SH3BP2: variants seen among roughly 807,000 people sequenced by gnomAD.
The protein encoded by SH3BP2 is SH3 domain-binding protein 2.
A neutral mutation model predicts 56.2 loss-of-function variants in SH3BP2; 38 were observed. The ratio of observed to expected loss-of-function variants is 0.68; its 90% confidence interval spans 0.52 to 0.89. The LOEUF is 0.89. Among genes scored for constraint, SH3BP2 ranks in the 40% least tolerant of loss-of-function variants. The probability of loss-of-function intolerance (pLI) is 0.00; values close to 1 mark genes in which losing one functional copy is unlikely to be tolerated. For synonymous variants in SH3BP2, 346 were observed against 316.7 expected, an observed-to-expected ratio of 1.09 and a Z score of -0.98; for missense variants, 748 against 762.6, an observed-to-expected ratio of 0.98 and a Z score of 0.23.
intron 5 of SH3BP2, among the ~76,000 whole-genome samples, chr4:2,825,594 GCA>G (rs140946265): frequency 0.1 from 15,634 of 151,612 alleles, 874 homozygotes; most frequent in Middle Eastern, 0.12. Flanking sequence ...ACACAGACAT[GCA>G]CACACACACA....
At position 2,820,648 on chromosome 4, in the gene SH3BP2, C is replaced by T; in HGVS notation, c.31C>T (p.Pro11Ser). ...GGCTGAAGAGATGCATTGGCCTGTC[C>T]CTATGAAGGCCATTGGTGCCCAGAA... is the stretch of plus-strand genomic sequence containing the variant. MAAEEMHWPV[P>S]MKAIGAQNLL... Residue 11 changes from proline to serine, a missense_variant, in exon 2 of 13, where the codon CCT (proline) becomes TCT (serine). Pro to Ser is a moderately conservative substitution (Grantham distance 74). This residue lies in a region of SH3BP2 where 104 missense variants were observed against 123.1 expected (regional missense o/e 0.84). Transcript: ENST00000503393. The T allele has an allele frequency of 6.2e-7, 1 of 1,614,134 alleles. No homozygotes were observed. Among genetic ancestry groups the T allele is most frequent in the Non-Finnish European group, 8.5e-7 (1 of 1,179,980 alleles).
At position 2,819,201 on chromosome 4, in the gene SH3BP2, C is replaced by T. The variant is rs140385010; in HGVS notation, c.-4-1413C>T. ...CCTCCCAAAGTGCTGGGATTACAGGCGTGAGCCACTGCGTCCGGCTATTTT... is the reference window on the plus strand; with the variant it reads ...CCTCCCAAAGTGCTGGGATTACAGGTGTGAGCCACTGCGTCCGGCTATTTT... On this transcript the variant is annotated intron_variant, in intron 1 of 12. Coordinates refer to ENST00000503393, the MANE Select transcript of SH3BP2 (RefSeq NM_001122681.2). 0.055 allele frequency: 8,423 copies of T among 152,330 alleles called. 297 individuals are homozygous for T. The highest frequency in any genetic ancestry group is 0.095 in the African/African-American group (3,941 of 41,512). 9.4% of individuals were successfully genotyped at this position (152,330 alleles called of 1,614,324 possible).
In SH3BP2 at chr4:2,838,521, C is replaced by G. The variant is rs1489237282; in HGVS notation, c.*4687C>G. ...TCCATTGTTTGGCTGTATCGTAGTT[C>G]ACAGATTCATTTCACTGTCAGTCAA... is the stretch of plus-strand genomic sequence containing the variant. On this transcript the variant is annotated 3_prime_UTR_variant, in exon 13 of 13. Coordinates refer to ENST00000503393, the MANE Select transcript of SH3BP2 (RefSeq NM_001122681.2). 2 of 152,188 alleles carry G rather than the reference C, an allele frequency of 1.3e-5. No individual in the cohort carries two copies. The highest frequency in any genetic ancestry group is 4.8e-5 in the African/African-American group (2 of 41,432). The allele number at this position is 152,188 out of a possible 1,614,324, so 9.4% of individuals were successfully genotyped here.
At position 2,831,902 on chromosome 4, in the gene SH3BP2, G is replaced by C. The variant is rs376234448; in HGVS notation, c.1351-21G>C. The C allele has an allele frequency of 4.5e-5, 73 of 1,611,804 alleles. No homozygotes were observed. The highest frequency in any genetic ancestry group is 1.5e-4 in the Admixed American group (9 of 59,972). On this transcript the variant is annotated intron_variant, in intron 9 of 12. Coordinates refer to ENST00000503393, the MANE Select transcript of SH3BP2 (RefSeq NM_001122681.2). The surrounding 1 kb of genome is among the most constrained non-coding windows in gnomAD (Gnocchi z 4.1). Reference sequence around the variant, plus strand: ...GGTGGATCACTCCGACGTTGGCACTGACACCGTCAGCCTCTTGCAGGTGCC... The same window carrying C: ...GGTGGATCACTCCGACGTTGGCACTCACACCGTCAGCCTCTTGCAGGTGCC...
chr4:2,831,861 G>T lies in SH3BP2; in HGVS notation c.1351-62G>T, dbSNP rs939046790. On this transcript the variant is annotated intron_variant, in intron 9 of 12. Transcript: ENST00000503393. This position sits in a 1 kb window ranked among gnomAD's most constrained non-coding sequence, Gnocchi z 4.1. ...TCCCGGCACCGGGTGGCCACCGTCC[G>T]GGGAGTGGTGGTGCGGGTGGATCAC... 1.3e-6 allele frequency: 2 copies of T among 1,563,798 alleles called. No homozygotes were observed. Among genetic ancestry groups the T allele is most frequent in the African/African-American group, 2.7e-5 (2 of 74,068 alleles).
In SH3BP2 at chr4:2,829,687, C is replaced by A; in HGVS notation, c.781C>A (p.Pro261Thr). Residue 261 changes from proline to threonine, a missense_variant, in exon 8 of 13, where the codon CCG becomes ACG. Coordinates refer to ENST00000503393, the MANE Select transcript of SH3BP2 (RefSeq NM_001122681.2). The surrounding 1 kb of genome is among the most constrained non-coding windows in gnomAD (Gnocchi z 4.9). ...GGACTCCAAGAGGGACCCACTGTGC[C>A]CGAGGCGGGCTGAGCCTTGCCCCAG... ...AEDSKRDPLC[P>T]RRAEPCPRVP... 2 of 1,613,128 alleles carry A rather than the reference C, an allele frequency of 1.2e-6. No individual in the cohort carries two copies. Among genetic ancestry groups the A allele is most frequent in the Non-Finnish European group, 1.7e-6 (2 of 1,179,898 alleles).
Position 2,833,023 on chromosome 4 carries a change from G to C in SH3BP2, c.1522G>C (p.Val508Leu). Residue 508 changes from valine to leucine, a missense_variant, in exon 12 of 13, where the codon GTG becomes CTG. Physicochemically the swap from Val to Leu is conservative, Grantham distance 32. Coordinates refer to ENST00000503393, the MANE Select transcript of SH3BP2 (RefSeq NM_001122681.2). The part of the protein sequence containing the change: ...LVVWDETSNK[V>L]RNYRIFEKDS... ...TGTGTGGGACGAAACCTCTAACAAA[G>C]TGAGGAACTATCGCATTTTTGAGAA... 1 of 1,614,246 alleles carries C rather than the reference G, an allele frequency of 6.2e-7. No homozygotes were observed. Among genetic ancestry groups the C allele is most frequent in the Non-Finnish European group, 8.5e-7 (1 of 1,180,032 alleles).
chr4:2,811,017 C>T (rs1327425601), intron 1 of SH3BP2, among the ~76,000 whole-genome samples: 3 of 152,338 alleles, frequency 2.0e-5, no homozygotes, highest in Admixed American at 6.5e-5. Flanking sequence ...AGGCTGGGGA[C>T]GCCAGGGTGT....
intron 7 of SH3BP2, 31 bp downstream of exon 7, chr4:2,827,705 TG>T (rs2108736084): frequency 6.7e-7 from 1 of 1,496,628 alleles, no homozygotes; most frequent in East Asian, 2.4e-5. Context: ...CGGGGAGCTC[TG>T]GGTGTGTAGG....
In SH3BP2 at chr4:2,840,494, A is replaced by G. The variant is rs886059390; in HGVS notation, c.*6660A>G. ...GCCCATCTGCAATGCCACCTCTGTC[A>G]TATGTCCACATATGACATATGTAGA... is the stretch of plus-strand genomic sequence containing the variant. On this transcript the variant is annotated 3_prime_UTR_variant, in exon 13 of 13. Transcript: ENST00000503393. 5 of 152,160 alleles carry G rather than the reference A, an allele frequency of 3.3e-5. No individual in the cohort carries two copies. The highest frequency in any genetic ancestry group is 5.9e-5 in the Non-Finnish European group (4 of 68,034). The allele number at this position is 152,160 out of a possible 1,614,324, so 9.4% of individuals were successfully genotyped here. A position where few individuals can be genotyped will look rare whatever the true frequency, so the allele number is the denominator to read the frequency against.
intron 1 of SH3BP2, among the ~76,000 whole-genome samples, chr4:2,796,831 C>T (rs2074626154): frequency 6.6e-6 from 1 of 152,232 alleles, no homozygotes; most frequent in Admixed American, 6.5e-5. Flanking sequence ...AGGCAGTGTG[C>T]GTGCCATGGC....
chr4:2,826,110 G>C (rs1416628607), intron 5 of SH3BP2, among the ~76,000 whole-genome samples: 2 of 152,272 alleles, frequency 1.3e-5, no homozygotes, highest in Non-Finnish European at 2.9e-5. Flanking sequence ...CTTGAGGCAG[G>C]AGCAGGTGGA....
At chr4:2,793,518 G>C (rs1577328949) in intron 1 of SH3BP2, among the ~76,000 whole-genome samples, 1 of 151,652 alleles carries the variant, frequency 6.6e-6, no homozygotes, top group East Asian at 2.0e-4. Context: ...TCGGGGCGGG[G>C]GCCGGGTGTC....
At chr4:2,822,842 C>A (rs1045470754) in intron 2 of SH3BP2, 93 bp from the exon 3 acceptor site, 1 of 911,080 alleles carries the variant, frequency 1.1e-6, no homozygotes, top group African/African-American at 1.6e-5. Context: ...AGGCAGGAGG[C>A]CTGGCCCCAA....
chr4:2,834,067 A>C lies in SH3BP2; in HGVS notation c.*233A>C. 1.8e-6 allele frequency: 1 copy of C among 563,412 alleles called. No individual in the cohort carries two copies. Among genetic ancestry groups the C allele is most frequent in the Non-Finnish European group, 3.2e-6 (1 of 316,562 alleles). The allele number at this position is 563,412 out of a possible 1,614,324, so 34.9% of individuals were successfully genotyped here. ...GAAGGGACTCTGTTGCCCCACACTA[A>C]CTTGCCCTGTCCCAATCCCAGAAAC... On this transcript the variant is annotated 3_prime_UTR_variant, in exon 13 of 13. Transcript: ENST00000503393.
chr4:2,818,501 G>A (rs1319656564), intron 1 of SH3BP2: 3 of 590,252 alleles, frequency 5.1e-6, no homozygotes, highest in Non-Finnish European at 6.7e-6. Context: ...GGGCGCTGCT[G>A]GTCGCCCACG....
In SH3BP2 at chr4:2,827,335, C is replaced by T; in HGVS notation, c.517+17C>T. Reference sequence around the variant, plus strand: ...ACAATGAAGGTGAGGTCTTTCTCCGCATCCACTGCCCGTTTGCCTCTCCCC... The same window carrying T: ...ACAATGAAGGTGAGGTCTTTCTCCGTATCCACTGCCCGTTTGCCTCTCCCC... On this transcript the variant is annotated intron_variant, in intron 6 of 12. Coordinates refer to ENST00000503393, the MANE Select transcript of SH3BP2 (RefSeq NM_001122681.2). 5.0e-6 allele frequency: 8 copies of T among 1,607,630 alleles called. No homozygotes were observed. Among genetic ancestry groups the T allele is most frequent in the Non-Finnish European group, 6.8e-6 (8 of 1,174,042 alleles).
intron 5 of SH3BP2, among the ~76,000 whole-genome samples, chr4:2,826,055 C>G (rs1212030899): frequency 6.6e-6 from 1 of 152,276 alleles, no homozygotes; most frequent in Non-Finnish European, 1.5e-5. Context: ...GTCCCCTGGT[C>G]CAAGCTGTTC....
chr4:2,826,788 G>T (rs1289667282), intron 5 of SH3BP2: 1 of 392,198 alleles, frequency 2.5e-6, no homozygotes, highest in Non-Finnish European at 5.2e-6. Context: ...TCGCTCGTCT[G>T]TGTGTGAACA....
Sources: allele counts gnomAD v4.1 joint callset (sites outside exome capture counted in the v4.1 genomes callset), GRCh38; gene constraint gnomAD v4.1.1; regional missense constraint gnomAD v4.1.1; non-coding constraint Gnocchi (gnomAD v3.1); transcripts MANE v1.5; gene names NCBI Gene and HGNC (gene_info 2026-07-23, HGNC 2026-07-21).